Variants in DFFA observed in about 807,000 individuals in gnomAD.
DFFA encodes DFF45.
A neutral mutation model predicts 28.0 loss-of-function variants in DFFA; 14 were observed. That is an observed-to-expected ratio of 0.50 (90% CI 0.33 to 0.78). The LOEUF (loss-of-function observed/expected upper bound fraction) is 0.78. Ranked by LOEUF, DFFA falls within the 30% of genes least tolerant of loss-of-function variation. The pLI is 0.02. For missense variants in DFFA, 395 were observed against 407.1 expected, an observed-to-expected ratio of 0.97 and a Z score of 0.26; for synonymous variants, 158 against 170.3, an observed-to-expected ratio of 0.93 and a Z score of 0.56.
chr1:10,468,954 G>T (rs1419561836), intron 2 of DFFA, among the ~76,000 whole-genome samples: 1 of 152,112 alleles, frequency 6.6e-6, no homozygotes. Context: ...GGCCAGGCTG[G>T]TCTCAAACTC....
chr1:10,465,986 A>G (rs1213919750), intron 3 of DFFA, among the ~76,000 whole-genome samples: 4 of 150,966 alleles, frequency 2.6e-5, no homozygotes, highest in Non-Finnish European at 4.4e-5. Flanking sequence ...TTAAAAAAAA[A>G]AAAAAAGAAA....
Position 10,469,324 on chromosome 1 carries a change from C to G in DFFA, c.151G>C (p.Ala51Pro), listed in dbSNP as rs199582986. Residue 51 changes from alanine to proline, a missense_variant, in exon 2 of 6, where the codon GCC becomes CCC. Ala to Pro is a conservative substitution (Grantham distance 27, BLOSUM62 -1). Transcript: ENST00000377038. Reference protein sequence around the residue: ...DLRSKACDILAIDKSLTPVTL... With the variant: ...DLRSKACDILPIDKSLTPVTL... ...ACTGGTGTCAGGGACTTATCAATGG[C>G]CAGAATGTCACAGGCTGAAAAGAAT... 82 of 1,613,550 alleles carry G rather than the reference C, an allele frequency of 5.1e-5. No homozygotes were observed. Among genetic ancestry groups the G allele is most frequent in the Non-Finnish European group, 6.7e-5 (79 of 1,179,828 alleles).
In DFFA at chr1:10,469,318, C is replaced by A. The variant is rs770218414; in HGVS notation, c.157G>T (p.Asp53Tyr). 2 of 1,613,864 alleles carry A rather than the reference C, an allele frequency of 1.2e-6. No homozygotes were observed. The highest frequency in any genetic ancestry group is 2.2e-5 in the South Asian group (2 of 91,006). ...AGGGTGACTGGTGTCAGGGACTTAT[C>A]AATGGCCAGAATGTCACAGGCTGAA... ...RSKACDILAI[D>Y]KSLTPVTLVL... is the part of the protein sequence containing the mutation. Residue 53 changes from aspartate (D) to tyrosine (Y), a missense_variant, in exon 2 of 6, where the codon GAT (aspartate) becomes TAT (tyrosine). Physicochemically the swap from Asp to Tyr is radical, Grantham distance 160. Transcript: ENST00000377038.
chr1:10,461,886 G>A (rs1054356559), intron 5 of DFFA, 184 bp from the exon 6 acceptor site: 21 of 981,814 alleles, frequency 2.1e-5, no homozygotes, highest in Middle Eastern at 5.3e-4. Flanking sequence ...ACGGAGTCTC[G>A]CTCTGTCACC....
chr1:10,456,966 T>TTTG lies in DFFA; in HGVS notation c.*4523_*4524insCAA, dbSNP rs1323269221. ...GAAGGTAAATGGTAATGGGACAATATGTCTGTGACCACGTTCATTACACAT... is the reference window on the plus strand; with the variant it reads ...GAAGGTAAATGGTAATGGGACAATATTTGGTCTGTGACCACGTTCATTACACAT... On this transcript the variant is annotated 3_prime_UTR_variant, in exon 6 of 6. Transcript: ENST00000377038. 1.3e-5 allele frequency: 2 copies of TTTG among 152,174 alleles called. No homozygotes were observed. The highest frequency in any genetic ancestry group is 4.8e-5 in the African/African-American group (2 of 41,434). The allele number at this position is 152,174 out of a possible 1,614,324, so 9.4% of individuals were successfully genotyped here. A position where few individuals can be genotyped will look rare whatever the true frequency, so the allele number is the denominator to read the frequency against.
At position 10,463,049 on chromosome 1, in the gene DFFA, T is replaced by C. The variant is rs748514381; in HGVS notation, c.783+9A>G. 3.1e-6 allele frequency: 5 copies of C among 1,614,112 alleles called. No homozygotes were observed. The South Asian group carries it at 5.5e-5, about 18-fold the overall frequency. On this transcript the variant is annotated intron_variant, in intron 5 of 5. Coordinates refer to ENST00000377038, the MANE Select transcript of DFFA (RefSeq NM_004401.3). ...CCTCTGTAGCTCAGTGACCCTGGTT[T>C]CCGCCCACCTCCAAATCCTGACTAG...
chr1:10,462,767 C>T (rs1051153021), intron 5 of DFFA: 1 of 1,257,242 alleles, frequency 8.0e-7, no homozygotes. Context: ...CAGAAGCCAT[C>T]TCAGAAGATT....
chr1:10,461,818 A>T (rs959379871), intron 5 of DFFA, 116 bp from the exon 6 acceptor site: 27 of 1,492,382 alleles, frequency 1.8e-5, no homozygotes, highest in Non-Finnish European at 2.3e-5. Context: ...TTACCTCTTT[A>T]CACTGAAATG....
chr1:10,468,057 G>A (rs564987888), intron 2 of DFFA, among the ~76,000 whole-genome samples: 14 of 152,136 alleles, frequency 9.2e-5, no homozygotes, highest in African/African-American at 3.1e-4. Flanking sequence ...CCTTAGGCCT[G>A]AGCACAAAGG....
At position 10,457,871 on chromosome 1, in the gene DFFA, C is replaced by G. The variant is rs756194807; in HGVS notation, c.*3619G>C. On this transcript the variant is annotated 3_prime_UTR_variant, in exon 6 of 6. Coordinates refer to ENST00000377038, the MANE Select transcript of DFFA (RefSeq NM_004401.3). ...CAGAATATTAACACTAACGCCCAGA[C>G]GAGTCAACGAACGCTCTGTGTGTCT... 8.9e-6 allele frequency: 1 copy of G among 112,712 alleles called. No individual in the cohort carries two copies. Among genetic ancestry groups the G allele is most frequent in the Non-Finnish European group, 1.9e-5 (1 of 53,324 alleles). The allele number at this position is 112,712 out of a possible 1,614,324, so 7.0% of individuals were successfully genotyped here.
chr1:10,467,439 G>T, intron 2 of DFFA, 107 bp from the exon 3 acceptor site: 1 of 1,221,872 alleles, frequency 8.2e-7, no homozygotes, highest in Non-Finnish European at 1.2e-6. Flanking sequence ...ATTTCAATGG[G>T]AAAGAAGCAT....
chr1:10,469,397 C>A, intron 1 of DFFA, 59 bp from the exon 2 acceptor site: 1 of 1,518,374 alleles, frequency 6.6e-7, no homozygotes, highest in Admixed American at 1.8e-5. Flanking sequence ...TACATCTATC[C>A]CTGCATCTCA....
At position 10,471,245 on chromosome 1, in the gene DFFA, G is replaced by C. The variant is rs765002925; in HGVS notation, c.136+1078C>G. On this transcript the variant is annotated intron_variant, in intron 1 of 5. Coordinates refer to ENST00000377038, the MANE Select transcript of DFFA (RefSeq NM_004401.3). ...GTCTGTACTATTCCATTTAGTGATAGCAATGCTTCAAATACTAACGGGACT... is the reference window on the plus strand; with the variant it reads ...GTCTGTACTATTCCATTTAGTGATACCAATGCTTCAAATACTAACGGGACT... 5.9e-5 allele frequency among the ~76,000 whole-genome samples: 9 copies of C among 151,958 alleles called. No individual in the cohort carries two copies. The South Asian group carries it at 1.9e-3, about 32-fold the overall frequency.
chr1:10,462,166 G>A (rs1476523253), intron 5 of DFFA, among the ~76,000 whole-genome samples: 1 of 151,660 alleles, frequency 6.6e-6, no homozygotes, highest in Non-Finnish European at 1.5e-5. Flanking sequence ...CCTGCCATGG[G>A]CTTTTTTAAG....
rs1641036668 is a variant in DFFA, at chr1:10,467,275, C to G, written c.356G>C (p.Gly119Ala). The change falls in exon 3 of 6, where the codon GGG becomes GCG. Residue 119 changes from glycine (G) to alanine (A), a missense_variant. Transcript: ENST00000377038. ...ESFDVDETDS[G>A]AGLKWKNVAR... ...CACATTCTTCCACTTCAACCCTGCC[C>G]CGCTGTCTGTTTCATCTACATCAAA... 1 of 1,613,978 alleles carries G rather than the reference C, an allele frequency of 6.2e-7. No individual in the cohort carries two copies. Among genetic ancestry groups the G allele is most frequent in the Non-Finnish European group, 8.5e-7 (1 of 1,180,022 alleles).
chr1:10,469,407 A>C, intron 1 of DFFA, 69 bp from the exon 2 acceptor site: 384 of 1,415,622 alleles, frequency 2.7e-4, no homozygotes, highest in Non-Finnish European at 3.4e-4. Flanking sequence ...CCTGCATCTC[A>C]AGTATGTATG....
intron 5 of DFFA, chr1:10,462,761 A>G (rs1640965616): frequency 8.0e-7 from 1 of 1,243,516 alleles, no homozygotes; most frequent in Non-Finnish European, 1.0e-6. Flanking sequence ...AAGACCCAGA[A>G]GCCATCTCAG....
At chr1:10,465,655 T>G (rs1159105232) in intron 3 of DFFA, among the ~76,000 whole-genome samples, 1 of 151,356 alleles carries the variant, frequency 6.6e-6, no homozygotes, top group African/African-American at 2.4e-5. Context: ...CCTCCCAAAG[T>G]TCTAGGATTA....
At chr1:10,469,067 T>C in intron 2 of DFFA, 110 bp downstream of exon 2, 2 of 1,193,042 alleles carry the variant, frequency 1.7e-6, no homozygotes. Context: ...AAATATCTGT[T>C]GAACAAATGC....
Sources: allele counts gnomAD v4.1 joint callset (sites outside exome capture counted in the v4.1 genomes callset), GRCh38; gene constraint gnomAD v4.1.1; transcripts MANE v1.5; gene names NCBI Gene and HGNC (gene_info 2026-07-23, HGNC 2026-07-21).